Variants in GSTCD observed in about 807,000 individuals in gnomAD.
GSTCD encodes the protein glutathione S-transferase C-terminal domain containing.
In GSTCD, 44 loss-of-function variants were observed where a neutral mutation model predicts 68.3. The ratio of observed to expected loss-of-function variants is 0.64; its 90% CI spans 0.51 to 0.83. The LOEUF is 0.83. GSTCD is among the 40% of genes least tolerant of loss of function. The pLI, the probability that GSTCD is intolerant of heterozygous loss-of-function variation, is 0.00. For missense variants in GSTCD, 739 were observed against 735.9 expected (o/e 1.00, Z -0.05); for synonymous variants, 273 against 255.2 (o/e 1.07, Z -0.67).
chr4:105,736,293 A>G (rs1447148358), intron 5 of GSTCD, among the ~76,000 whole-genome samples: 2 of 151,988 alleles, frequency 1.3e-5, no homozygotes, highest in African/African-American at 2.4e-5. Context: ...TAGACTGTGA[A>G]TTCATTTGGG....
chr4:105,838,045 C>T (rs1724190883), intron 10 of GSTCD, among the ~76,000 whole-genome samples, 156 bp downstream of exon 10: 1 of 152,032 alleles, frequency 6.6e-6, no homozygotes, highest in Non-Finnish European at 1.5e-5. Context: ...TTTGCAAATC[C>T]AGATTAACTC....
chr4:105,801,357 A>G (rs1175188336), intron 5 of GSTCD, among the ~76,000 whole-genome samples: 1 of 152,168 alleles, frequency 6.6e-6, no homozygotes, highest in Non-Finnish European at 1.5e-5. Flanking sequence ...GCACAAATAT[A>G]GAATCTGCAA....
intron 5 of GSTCD, among the ~76,000 whole-genome samples, chr4:105,800,342 A>G (rs895286661): frequency 2.0e-5 from 3 of 152,162 alleles, no homozygotes; most frequent in Non-Finnish European, 4.4e-5. Flanking sequence ...CCATAATTCA[A>G]TCACCTCCCA....
chr4:105,841,587 G>A (rs958117912), intron 10 of GSTCD, among the ~76,000 whole-genome samples: 33 of 151,968 alleles, frequency 2.2e-4, no homozygotes, highest in African/African-American at 7.7e-4. Flanking sequence ...GTTAATCACA[G>A]GACTTTGGAA....
At chr4:105,806,195 A>G (rs1262047596) in intron 5 of GSTCD, among the ~76,000 whole-genome samples, 2 of 152,094 alleles carry the variant, frequency 1.3e-5, no homozygotes, top group African/African-American at 4.8e-5. Context: ...TTGCAGTCTT[A>G]TTGAAAATCC....
chr4:105,738,244 T>C (rs1159955595), intron 5 of GSTCD, among the ~76,000 whole-genome samples: 1 of 152,242 alleles, frequency 6.6e-6, no homozygotes, highest in Non-Finnish European at 1.5e-5. Context: ...TTCCTTGGTC[T>C]ATGTGTCTGT....
intron 5 of GSTCD, among the ~76,000 whole-genome samples, chr4:105,756,490 G>GCACACACACACA (rs1734195014): frequency 1.4e-5 from 1 of 70,962 alleles, no homozygotes; most frequent in African/African-American, 5.4e-5. Flanking sequence ...AGAGACCTAT[G>GCACACACACACA]CACATACACA....
In GSTCD at chr4:105,735,098, G is replaced by A. The variant is rs921167156; in HGVS notation, c.1240+5599G>A. On this transcript the variant is annotated intron_variant, in intron 5 of 11. Coordinates refer to ENST00000515279, the MANE Select transcript of GSTCD (RefSeq NM_001370181.1). ...GGTGTCATTCTGCCCCTACTGGGGA[G>A]TGCCTCCCAGTTAGGCTACTCGGGG... Among the ~76,000 whole-genome samples the A allele has an allele frequency of 1.1e-4, 16 of 152,344 alleles. No individual in the cohort carries two copies. In the South Asian group the frequency reaches 3.3e-3, roughly 32 times the overall value.
chr4:105,821,584 A>G (rs1483615260), intron 5 of GSTCD, among the ~76,000 whole-genome samples: 1 of 151,958 alleles, frequency 6.6e-6, no homozygotes, highest in Non-Finnish European at 1.5e-5. Flanking sequence ...AGGATGTGAC[A>G]AAAGAATCAG....
intron 5 of GSTCD, among the ~76,000 whole-genome samples, chr4:105,750,460 C>CAAA (rs1024094979): frequency 3.9e-5 from 2 of 51,244 alleles, no homozygotes; most frequent in African/African-American, 1.3e-4. Context: ...AACTCCGTCT[C>CAAA]AAAAAAAAAA....
chr4:105,805,883 T>A (rs1484307738), intron 5 of GSTCD, among the ~76,000 whole-genome samples: 5 of 152,134 alleles, frequency 3.3e-5, no homozygotes, highest in Admixed American at 6.6e-5. Flanking sequence ...ACTGTTTTTT[T>A]AAGAAATTTT....
intron 5 of GSTCD, among the ~76,000 whole-genome samples, chr4:105,739,928 A>G (rs766918306): frequency 6.6e-6 from 1 of 152,002 alleles, no homozygotes; most frequent in Non-Finnish European, 1.5e-5. Flanking sequence ...TCTAGCTGTG[A>G]GTGGGGGCTA....
chr4:105,808,272 C>T (rs1309912498), intron 5 of GSTCD, among the ~76,000 whole-genome samples: 1 of 152,074 alleles, frequency 6.6e-6, no homozygotes, highest in Non-Finnish European at 1.5e-5. Context: ...GTCCTTATAC[C>T]TCCACTGCAA....
chr4:105,764,074 A>C (rs941834508), intron 5 of GSTCD, among the ~76,000 whole-genome samples: 1 of 152,140 alleles, frequency 6.6e-6, no homozygotes, highest in African/African-American at 2.4e-5. Flanking sequence ...GGTGGCTATA[A>C]TTAAAAAAAT....
intron 5 of GSTCD, 49 bp from the exon 6 acceptor site, chr4:105,822,905 C>T: frequency 7.2e-7 from 1 of 1,389,366 alleles, no homozygotes; most frequent in Non-Finnish European, 1.0e-6. Flanking sequence ...TCTTCTTGTT[C>T]CCTCAAAATA....
chr4:105,772,864 G>A (rs1311976908), intron 5 of GSTCD, among the ~76,000 whole-genome samples: 1 of 152,100 alleles, frequency 6.6e-6, no homozygotes, highest in Admixed American at 6.6e-5. Context: ...GGATGATGTT[G>A]GCCTCATAAA....
At chr4:105,784,238 T>C (rs1735382999) in intron 5 of GSTCD, among the ~76,000 whole-genome samples, 1 of 152,186 alleles carries the variant, frequency 6.6e-6, no homozygotes, top group Non-Finnish European at 1.5e-5. Context: ...ATTATAAAAA[T>C]AGAAATTTAT....
In GSTCD at chr4:105,708,814, A is replaced by G. The variant is rs1732406930; in HGVS notation, c.-224A>G. 1 of 156,054 alleles carries G rather than the reference A, an allele frequency of 6.4e-6. No homozygotes were observed. The highest frequency in any genetic ancestry group is 1.4e-5 in the Non-Finnish European group (1 of 71,086). The allele number at this position is 156,054 out of a possible 1,614,324, so 9.7% of individuals were successfully genotyped here. A position where few individuals can be genotyped will look rare whatever the true frequency, so the allele number is the denominator to read the frequency against. On this transcript the variant is annotated 5_prime_UTR_variant, in exon 1 of 12. The change abolishes an upstream ATG in the 5' untranslated region. Transcript: ENST00000515279. The stretch of plus-strand genomic sequence containing the variant: ...TTCCCTTTTTCCGGTCCGCCGGATT[A>G]TGAATGACGGCCGGCGCGAGTATTT...
At position 105,754,101 on chromosome 4, in the gene GSTCD, C is replaced by T. The variant is rs542010392; in HGVS notation, c.1240+24602C>T. 5.0e-4 allele frequency among the ~76,000 whole-genome samples: 76 copies of T among 152,152 alleles called. No homozygotes were observed. The South Asian group carries it at 0.015, about 31-fold the overall frequency. ...TTGGCATTCTCTGTGCTATTCCAGA[C>T]AGTTATGATAAAAATCAGCTCAACT... On this transcript the variant is annotated intron_variant, in intron 5 of 11. Transcript: ENST00000515279.
Sources: gnomAD v4.1 joint callset for allele counts (sites outside exome capture counted in the v4.1 genomes callset) on GRCh38, gnomAD v4.1.1 for gene constraint, MANE v1.5 for transcripts, NCBI Gene and HGNC (gene_info 2026-07-23, HGNC 2026-07-21) for gene names.